SPATS2L: variants seen among roughly 807,000 people sequenced by gnomAD.
The protein encoded by SPATS2L is spermatogenesis associated serine rich 2 like.
Under a neutral mutation model 59.6 loss-of-function variants are expected in SPATS2L, and 30 were observed. The ratio of observed to expected loss-of-function variants is 0.50; its 90% confidence interval spans 0.38 to 0.68. SPATS2L has a LOEUF of 0.68. Among genes scored for constraint, SPATS2L ranks in the 30% least tolerant of loss-of-function variants. The pLI is 0.00. For synonymous variants in SPATS2L, 252 were observed against 263.5 expected (o/e 0.96, Z 0.42); for missense variants, 615 against 700.0 (o/e 0.88, Z 1.37).
rs533153494 is a variant in SPATS2L at position 200,446,868 on chromosome 2, G to A, written c.788+6084G>A. Among the ~76,000 whole-genome samples the A allele has an allele frequency of 2.6e-5, 4 of 152,218 alleles. No individual in the cohort carries two copies. The South Asian group carries it at 8.3e-4, about 32-fold the overall frequency. On this transcript the variant is annotated intron_variant, in intron 8 of 12. Transcript: ENST00000409140. ...CAGCAGGAAATATTTTTTCCATAGT[G>A]CCTGAAACGTAAACCCTCTCACTAC...
At chr2:200,375,272 AT>A (rs886069230) in intron 2 of SPATS2L, among the ~76,000 whole-genome samples, 10 of 151,642 alleles carry the variant, frequency 6.6e-5, no homozygotes, top group Non-Finnish European at 1.3e-4. Flanking sequence ...GTGAAAATGA[AT>A]TTTTTTTTCA....
chr2:200,476,893 G>C (rs113056096), intron 12 of SPATS2L, among the ~76,000 whole-genome samples: 2 of 152,212 alleles, frequency 1.3e-5, no homozygotes, highest in Non-Finnish European at 2.9e-5. Context: ...TATTGCCATT[G>C]AAAGTGGCTC....
chr2:200,350,123 T>A (rs2080669189), intron 2 of SPATS2L, among the ~76,000 whole-genome samples: 1 of 151,976 alleles, frequency 6.6e-6, no homozygotes, highest in Non-Finnish European at 1.5e-5. Flanking sequence ...TCCCACAGGG[T>A]TGAGAGGGAT....
intron 8 of SPATS2L, among the ~76,000 whole-genome samples, chr2:200,457,669 G>A (rs575078745): frequency 6.6e-6 from 1 of 152,368 alleles, no homozygotes; most frequent in South Asian, 2.1e-4. Flanking sequence ...ACTAGGCTTA[G>A]AGCCCAGTTC....
chr2:200,400,532 G>A (rs2082493314), intron 3 of SPATS2L, among the ~76,000 whole-genome samples: 1 of 152,128 alleles, frequency 6.6e-6, no homozygotes, highest in African/African-American at 2.4e-5. Flanking sequence ...CCCAGTGTCA[G>A]ATTAAAAATC....
chr2:200,393,488 C>T (rs143968534), intron 3 of SPATS2L, among the ~76,000 whole-genome samples: 121 of 152,274 alleles, frequency 7.9e-4, no homozygotes, highest in African/African-American at 2.8e-3. Flanking sequence ...ACTGCATTTC[C>T]GTAACTTATA....
rs1422011381 is a variant in SPATS2L at position 200,472,911 on chromosome 2, C to G, written c.1140C>G (p.Thr380=). ...LLPLLNAHAA[T]SGKQSNFSRK... ...CTCTGCTGAATGCGCACGCAGCAAC[C>G]TCTGGGAAACAGAGTAACTTTTCCC... Residue 380 remains threonine (T), a synonymous_variant, in exon 12 of 13, where the codon ACC becomes ACG. Coordinates refer to ENST00000409140, the MANE Select transcript of SPATS2L (RefSeq NM_001100423.2). 6.2e-7 allele frequency: 1 copy of G among 1,613,920 alleles called. No homozygotes were observed. Among genetic ancestry groups the G allele is most frequent in the South Asian group, 1.1e-5 (1 of 91,084 alleles).
At chr2:200,382,566 G>A (rs1037950892) in intron 2 of SPATS2L, among the ~76,000 whole-genome samples, 1 of 152,178 alleles carries the variant, frequency 6.6e-6, no homozygotes, top group Non-Finnish European at 1.5e-5. Context: ...CATAGACAGT[G>A]AGCCCTGTGA....
At chr2:200,369,537 C>G (rs1177925539) in intron 2 of SPATS2L, among the ~76,000 whole-genome samples, 1 of 151,888 alleles carries the variant, frequency 6.6e-6, no homozygotes, top group East Asian at 1.9e-4. Context: ...AGACAGAATC[C>G]CATCAGAAAA....
chr2:200,472,513 T>C (rs769077332), intron 11 of SPATS2L, among the ~76,000 whole-genome samples: 1 of 152,180 alleles, frequency 6.6e-6, no homozygotes, highest in Non-Finnish European at 1.5e-5. Context: ...ACCTTGAGGT[T>C]TCATTATCTC....
chr2:200,327,609 C>T (rs1052950111), intron 1 of SPATS2L, among the ~76,000 whole-genome samples: 21 of 152,272 alleles, frequency 1.4e-4, no homozygotes, highest in African/African-American at 5.1e-4. Flanking sequence ...TTATTTATTG[C>T]TTTGTCAACA....
At chr2:200,434,169 TAATAA>T (rs1190106475) in intron 6 of SPATS2L, among the ~76,000 whole-genome samples, 2 of 151,918 alleles carry the variant, frequency 1.3e-5, no homozygotes, top group South Asian at 2.1e-4. Flanking sequence ...ATAATATTAT[TAATAA>T]AATAAAGGAG....
At chr2:200,388,570 A>G (rs2082067582) in intron 2 of SPATS2L, among the ~76,000 whole-genome samples, 1 of 150,354 alleles carries the variant, frequency 6.7e-6, no homozygotes, top group African/African-American at 2.5e-5. Flanking sequence ...GTTTTCCTTT[A>G]GGTTTGTTTT....
chr2:200,385,901 G>A (rs1262892338), intron 2 of SPATS2L, among the ~76,000 whole-genome samples: 6 of 152,242 alleles, frequency 3.9e-5, no homozygotes, highest in Middle Eastern at 6.8e-3. Flanking sequence ...CACTGTGTTA[G>A]CCAGGATGGT....
At position 200,481,664 on chromosome 2, in the gene SPATS2L, T is replaced by G; in HGVS notation, c.*3633T>G. 1 of 152,402 alleles carries G rather than the reference T, an allele frequency of 6.6e-6. No homozygotes were observed. 9.4% of individuals were successfully genotyped at this position (152,402 alleles called of 1,614,324 possible). ...TCCAGTGATAGCATCCAATGACCTATGTAACGGCACCCTTTTTTGCTGTAC... is the reference window on the plus strand; with the variant it reads ...TCCAGTGATAGCATCCAATGACCTAGGTAACGGCACCCTTTTTTGCTGTAC... On this transcript the variant is annotated 3_prime_UTR_variant, in exon 13 of 13. Coordinates refer to ENST00000409140, the MANE Select transcript of SPATS2L (RefSeq NM_001100423.2).
chr2:200,412,644 G>T, intron 4 of SPATS2L, among the ~76,000 whole-genome samples: 1 of 149,812 alleles, frequency 6.7e-6, no homozygotes. Flanking sequence ...AATAAGAATA[G>T]AATTTGGAAG....
At chr2:200,405,824 A>G (rs1461069241) in intron 3 of SPATS2L, among the ~76,000 whole-genome samples, 1 of 152,178 alleles carries the variant, frequency 6.6e-6, no homozygotes, top group Non-Finnish European at 1.5e-5. Flanking sequence ...CATAGGGGAT[A>G]AGGTTAAGCT....
chr2:200,309,322 G>A (rs956776730), intron 1 of SPATS2L, among the ~76,000 whole-genome samples: 6 of 152,152 alleles, frequency 3.9e-5, no homozygotes, highest in African/African-American at 1.4e-4. Flanking sequence ...TTACAGTTTG[G>A]ATAGGATGGA....
chr2:200,482,031 CA>C lies in SPATS2L; in HGVS notation c.*4009del, dbSNP rs11313633. On this transcript the variant is annotated 3_prime_UTR_variant, in exon 13 of 13. Coordinates refer to ENST00000409140, the MANE Select transcript of SPATS2L (RefSeq NM_001100423.2). ...AGCAAACTATAAAATAGCAAAAGACCAAAAAAAAAGGAAAAAAAGCAGTTCG... is the reference window on the plus strand; with the variant it reads ...AGCAAACTATAAAATAGCAAAAGACCAAAAAAAAGGAAAAAAAGCAGTTCG... The C allele has an allele frequency of 0.89, 135,245 of 151,738 alleles. 61,340 individuals carry two copies. The highest frequency in any genetic ancestry group is 1 in the East Asian group (5,168 of 5,170). 9.4% of individuals were successfully genotyped at this position (151,738 alleles called of 1,614,324 possible). A position where few individuals can be genotyped will look rare whatever the true frequency, so the allele number is the denominator to read the frequency against.
Sources: allele counts gnomAD v4.1 joint callset (sites outside exome capture counted in the v4.1 genomes callset), GRCh38; gene constraint gnomAD v4.1.1; transcripts MANE v1.5; gene names NCBI Gene and HGNC (gene_info 2026-07-23, HGNC 2026-07-21).